The following GSTT4 variants were observed in gnomAD, a reference collection of about 807,000 sequenced individuals.
GSTT4 encodes glutathione S-transferase theta 4.
chr22:23,997,621 ATT>A (rs1227628380), downstream of GSTT4, among the ~76,000 whole-genome samples: 1 of 151,974 alleles, frequency 6.6e-6, no homozygotes, highest in Non-Finnish European at 1.5e-5. Context: ...CAAAGATCCA[ATT>A]TTTGGTTTTA....
At chr22:23,993,682 C>A (rs1330904840), downstream of GSTT4, among the ~76,000 whole-genome samples, 4 of 152,148 alleles carry the variant, frequency 2.6e-5, no homozygotes, top group Admixed American at 6.5e-5. Context: ...AGGGGAGTTT[C>A]CACTGCCAAA....
intron 2 of GSTT4, among the ~76,000 whole-genome samples, chr22:24,002,856 T>G (rs1187132825): frequency 6.6e-6 from 1 of 152,104 alleles, no homozygotes; most frequent in Non-Finnish European, 1.5e-5. Flanking sequence ...AAAAACTTCT[T>G]TGGATCCTGA....
downstream of GSTT4, among the ~76,000 whole-genome samples, chr22:23,997,495 T>G (rs1353909273): frequency 2.0e-5 from 3 of 152,122 alleles, no homozygotes; most frequent in Admixed American, 6.5e-5. Context: ...AGTGCTGGGA[T>G]TGCAGGTGTG....
downstream of GSTT4, among the ~76,000 whole-genome samples, chr22:23,996,560 A>C (rs1175974201): frequency 5.9e-5 from 9 of 152,134 alleles, no homozygotes; most frequent in African/African-American, 1.9e-4. Context: ...TCGTAAAAGG[A>C]TGTTAGGTTT....
At chr22:23,996,394 T>C (rs1258697903), downstream of GSTT4, among the ~76,000 whole-genome samples, 2 of 152,182 alleles carry the variant, frequency 1.3e-5, no homozygotes, top group African/African-American at 4.8e-5. Context: ...GTAGAAGTAG[T>C]GTGAATGAAC....
chr22:23,999,029 C>T (rs1276022399), intron 4 of GSTT4, among the ~76,000 whole-genome samples: 3 of 152,238 alleles, frequency 2.0e-5, no homozygotes, highest in Admixed American at 6.5e-5. Context: ...CCTGCGACCT[C>T]GCATGAATCC....
the GSTT4 span, among the ~76,000 whole-genome samples, chr22:23,993,000 T>A: frequency 6.6e-6 from 1 of 152,168 alleles, no homozygotes; most frequent in Non-Finnish European, 1.5e-5. Context: ...CTTGAATTCC[T>A]TGGCTCAAGT....
intron 3 of GSTT4, 90 bp downstream of exon 3, chr22:24,001,085 C>T (rs1249991570): frequency 2.4e-5 from 3 of 127,454 alleles, no homozygotes; most frequent in Non-Finnish European, 4.9e-5. Context: ...TGCTTGAGGT[C>T]GCCGGCAGTC....
chr22:23,990,649 T>TAAAC, the GSTT4 span, among the ~76,000 whole-genome samples: 2,600 of 46,000 alleles, frequency 0.057, 354 homozygotes, highest in African/African-American at 0.14. Flanking sequence ...AATAAATAAA[T>TAAAC]AAATAAACAA....
At chr22:23,993,074 C>G in the GSTT4 span, among the ~76,000 whole-genome samples, 4 of 151,602 alleles carry the variant, frequency 2.6e-5, no homozygotes, top group East Asian at 7.7e-4. Context: ...CCCCTGGCCT[C>G]TCTCACATTC....
chr22:24,003,131 A>G (rs1001929884), intron 2 of GSTT4, among the ~76,000 whole-genome samples: 1 of 151,524 alleles, frequency 6.6e-6, no homozygotes, highest in Non-Finnish European at 1.5e-5. Context: ...CACCACACCC[A>G]GCCTGTTGCT....
At chr22:24,002,158 G>A (rs1189849709) in intron 2 of GSTT4, among the ~76,000 whole-genome samples, 1 of 152,286 alleles carries the variant, frequency 6.6e-6, no homozygotes, top group Non-Finnish European at 1.5e-5. Context: ...GCCCCTGGAG[G>A]TGCAGGGAGG....
chr22:24,001,706 G>C lies in GSTT4; in HGVS notation c.201-381C>G, dbSNP rs963871151. On this transcript the variant is annotated intron_variant, in intron 2 of 4. Coordinates refer to ENST00000621179, the MANE Select transcript of GSTT4 (RefSeq NM_001358664.2). ...GATCCTTTTTCAAAAACAAAAACGG[G>C]GGGGCACGATGGCTCACACCTGTAA... Among the ~76,000 whole-genome samples the C allele has an allele frequency of 2.0e-5, 3 of 152,370 alleles. No homozygotes were observed. In the East Asian group the frequency reaches 5.8e-4, roughly 29 times the overall value.
At chr22:23,993,539 C>A (rs2034087526), downstream of GSTT4, among the ~76,000 whole-genome samples, 1 of 152,234 alleles carries the variant, frequency 6.6e-6, no homozygotes, top group African/African-American at 2.4e-5. Flanking sequence ...TGATTCAGAA[C>A]CTGGGCTGGA....
chr22:23,990,622 T>TAAAA, the GSTT4 span, among the ~76,000 whole-genome samples: 34 of 66,494 alleles, frequency 5.1e-4, no homozygotes, highest in African/African-American at 1.9e-3. Context: ...TGAGACACTG[T>TAAAA]AATAAATAAA....
chr22:24,000,666 G>T (rs145217812), intron 3 of GSTT4, among the ~76,000 whole-genome samples: 2 of 131,498 alleles, frequency 1.5e-5, no homozygotes, highest in African/African-American at 6.5e-5. Flanking sequence ...TCAAGCAATT[G>T]TCCTGCCTCA....
downstream of GSTT4, among the ~76,000 whole-genome samples, chr22:23,997,635 T>C (rs2034130239): frequency 6.6e-6 from 1 of 152,170 alleles, no homozygotes; most frequent in Non-Finnish European, 1.5e-5. Flanking sequence ...TTGGTTTTAT[T>C]GATTTTATTG....
the GSTT4 span, among the ~76,000 whole-genome samples, chr22:23,989,988 G>T: frequency 3.3e-5 from 5 of 150,906 alleles, no homozygotes; most frequent in South Asian, 1.1e-3. Flanking sequence ...TGTACCAAGG[G>T]CAGCAGTTGG....
At chr22:23,995,530 T>C (rs1350750134), downstream of GSTT4, among the ~76,000 whole-genome samples, 15 of 152,218 alleles carry the variant, frequency 9.9e-5, no homozygotes, top group Non-Finnish European at 2.2e-4. Flanking sequence ...CCTGAGATTC[T>C]ATTTTTAACA....
Sources: allele counts gnomAD v4.1 joint callset (sites outside exome capture counted in the v4.1 genomes callset), GRCh38; gene constraint gnomAD v4.1.1; transcripts MANE v1.5; gene names NCBI Gene and HGNC (gene_info 2026-07-23, HGNC 2026-07-21).